The following CACNB4 variants were observed in gnomAD, a reference collection of about 807,000 sequenced individuals.
CACNB4 encodes the protein calcium voltage-gated channel auxiliary subunit beta 4.
Under a neutral mutation model 71.2 loss-of-function variants are expected in CACNB4, and 32 were observed. That is an observed-to-expected ratio of 0.45 (90% CI 0.34 to 0.60). The LOEUF is 0.60. Among genes scored for constraint, CACNB4 ranks in the 20% least tolerant of loss-of-function variants. The pLI is 0.01. For synonymous variants in CACNB4, 231 were observed against 236.9 expected, an observed-to-expected ratio of 0.97 and a Z score of 0.23; for missense variants, 464 against 647.9, an observed-to-expected ratio of 0.72 and a Z score of 3.08.
chr2:151,991,715 A>AT (rs1560114498), intron 2 of CACNB4, among the ~76,000 whole-genome samples: 2 of 152,132 alleles, frequency 1.3e-5, no homozygotes, highest in East Asian at 1.9e-4. Flanking sequence ...TCTGGCTTCC[A>AT]TTTTTTAAAA....
chr2:151,918,699 T>C (rs1372923590), intron 2 of CACNB4, among the ~76,000 whole-genome samples: 3 of 152,214 alleles, frequency 2.0e-5, no homozygotes, highest in South Asian at 4.1e-4. Flanking sequence ...CAAGGGATTG[T>C]GTGCGTACTG....
chr2:152,031,553 C>G (rs961265699), intron 2 of CACNB4, among the ~76,000 whole-genome samples: 1 of 152,174 alleles, frequency 6.6e-6, no homozygotes, highest in African/African-American at 2.4e-5. Context: ...GAAGGCAGGT[C>G]AGACACAGCC....
intron 2 of CACNB4, among the ~76,000 whole-genome samples, chr2:151,939,236 C>G (rs947020528): frequency 5.9e-5 from 9 of 152,064 alleles, no homozygotes; most frequent in Non-Finnish European, 1.2e-4. Flanking sequence ...TTTTATACAC[C>G]ATGTGTTTTT....
At chr2:152,012,572 G>A (rs1683119136) in intron 2 of CACNB4, among the ~76,000 whole-genome samples, 1 of 147,292 alleles carries the variant, frequency 6.8e-6, no homozygotes, top group African/African-American at 2.5e-5. Context: ...TCACTGTGCT[G>A]CAGCCTGGAA....
chr2:152,033,913 T>G (rs1243504437), intron 2 of CACNB4, among the ~76,000 whole-genome samples: 1 of 152,220 alleles, frequency 6.6e-6, no homozygotes, highest in East Asian at 1.9e-4. Flanking sequence ...CCCTTCCTTA[T>G]TAACAAGATG....
chr2:151,991,579 G>T lies in CACNB4; in HGVS notation c.147+106751C>A, dbSNP rs574154364. The stretch of plus-strand genomic sequence containing the variant: ...AATGACATGCCAAAAACTGAAAAAT[G>T]GGGTGTGAAGAATGTGCTTCTTGCT... On this transcript the variant is annotated intron_variant, in intron 2 of 13. Transcript: ENST00000539935. Among the ~76,000 whole-genome samples, 7 of 152,284 alleles carry T rather than the reference G, an allele frequency of 4.6e-5. No individual in the cohort carries two copies. In the South Asian group the frequency reaches 1.4e-3, roughly 32 times the overall value.
At chr2:151,941,786 G>A (rs949370336) in intron 2 of CACNB4, among the ~76,000 whole-genome samples, 1 of 152,142 alleles carries the variant, frequency 6.6e-6, no homozygotes, top group Non-Finnish European at 1.5e-5. Flanking sequence ...AAGGTTATGT[G>A]CTAAATTGTG....
intron 2 of CACNB4, among the ~76,000 whole-genome samples, chr2:152,067,904 T>C (rs1365288856): frequency 6.6e-6 from 1 of 152,230 alleles, no homozygotes; most frequent in East Asian, 1.9e-4. Context: ...ATGGCTTTTA[T>C]TAACTGCTTT....
Position 152,098,564 on chromosome 2 carries a change from G to GCCGGCCCCCCCCCCCCCCCC in CACNB4, c.64-152_64-151insGGGGGGGGGGGGGGGGCCGG. ...GTCTCCTCCGCGACTCCCAAATACA[G>GCCGGCCCCCCCCCCCCCCCC]CCCCCACCCCCACCCACCCACTGCA... On this transcript the variant is annotated intron_variant, in intron 1 of 13. Coordinates refer to ENST00000539935, the MANE Select transcript of CACNB4 (RefSeq NM_000726.5). This position sits in a 1 kb window ranked among gnomAD's most constrained non-coding sequence, Gnocchi z 5.3. 1.1e-6 allele frequency: 1 copy of GCCGGCCCCCCCCCCCCCCCC among 931,268 alleles called. No homozygotes were observed. The highest frequency in any genetic ancestry group is 1.7e-6 in the Non-Finnish European group (1 of 583,194). 57.7% of individuals were successfully genotyped at this position (931,268 alleles called of 1,614,324 possible).
chr2:152,010,808 T>C (rs1683013873), intron 2 of CACNB4, among the ~76,000 whole-genome samples: 1 of 152,176 alleles, frequency 6.6e-6, no homozygotes, highest in Admixed American at 6.5e-5. Flanking sequence ...CCTGCATCTG[T>C]TCCCAGCCCA....
In CACNB4 at chr2:151,883,540, G is replaced by A. The variant is rs189861247; in HGVS notation, c.148-170C>T. 117 of 659,866 alleles carry A rather than the reference G, an allele frequency of 1.8e-4. 1 individual carries two copies. In the East Asian group the frequency reaches 3.0e-3, roughly 17 times the overall value. 40.9% of individuals were successfully genotyped at this position (659,866 alleles called of 1,614,324 possible). A position where few individuals can be genotyped will look rare whatever the true frequency, so the allele number is the denominator to read the frequency against. ...TGGCAGAATATAGTTAAGCATCTGA[G>A]TTATTCGGAAAGTAGCAATGTTGTG... On this transcript the variant is annotated intron_variant, in intron 2 of 13. Coordinates refer to ENST00000539935, the MANE Select transcript of CACNB4 (RefSeq NM_000726.5).
At chr2:152,020,149 A>G (rs190923791) in intron 2 of CACNB4, among the ~76,000 whole-genome samples, 1 of 152,314 alleles carries the variant, frequency 6.6e-6, no homozygotes, top group Admixed American at 6.5e-5. Flanking sequence ...TCTACCCTTT[A>G]GGGAAAGGAG....
intron 2 of CACNB4, among the ~76,000 whole-genome samples, chr2:152,084,084 C>T (rs961911130): frequency 6.6e-6 from 1 of 152,234 alleles, no homozygotes; most frequent in Non-Finnish European, 1.5e-5. Flanking sequence ...TACATCAGTT[C>T]GTGTGGGTCG....
chr2:151,874,490 T>C (rs2099845449), intron 5 of CACNB4, among the ~76,000 whole-genome samples: 1 of 149,396 alleles, frequency 6.7e-6, no homozygotes, highest in Non-Finnish European at 1.5e-5. Flanking sequence ...AGAAGAAGTA[T>C]GAGAACAGAC....
intron 2 of CACNB4, among the ~76,000 whole-genome samples, chr2:152,086,900 G>A (rs1034754772): frequency 9.2e-5 from 14 of 152,152 alleles, no homozygotes; most frequent in African/African-American, 3.4e-4. Flanking sequence ...GGAGGCTGAG[G>A]TGGGCGGATC....
At chr2:151,981,173 T>C (rs2099874659) in intron 2 of CACNB4, among the ~76,000 whole-genome samples, 1 of 152,230 alleles carries the variant, frequency 6.6e-6, no homozygotes, top group Admixed American at 6.5e-5. Flanking sequence ...ATAGTGTAAT[T>C]CTTTCATTAC....
chr2:152,063,111 T>A (rs1214763884), intron 2 of CACNB4, among the ~76,000 whole-genome samples: 1 of 152,164 alleles, frequency 6.6e-6, no homozygotes, highest in African/African-American at 2.4e-5. Flanking sequence ...CATATCGCAA[T>A]GTCACTGGGA....
intron 2 of CACNB4, chr2:151,936,056 A>G (rs2099862839): frequency 6.6e-6 from 1 of 152,252 alleles, no homozygotes; most frequent in African/African-American, 2.4e-5. Flanking sequence ...ACAAAACTAT[A>G]TCAACTTTAA....
intron 2 of CACNB4, among the ~76,000 whole-genome samples, chr2:151,985,675 C>CTTTTT (rs11329675): frequency 4.2e-5 from 6 of 142,138 alleles, no homozygotes; most frequent in African/African-American, 1.5e-4. Flanking sequence ...CCTTAATTTT[C>CTTTTT]TTTTTTTTTT....
Sources: gnomAD v4.1 joint callset for allele counts (sites outside exome capture counted in the v4.1 genomes callset) on GRCh38, gnomAD v4.1.1 for gene constraint, Gnocchi (gnomAD v3.1) non-coding constraint, MANE v1.5 for transcripts, NCBI Gene and HGNC (gene_info 2026-07-23, HGNC 2026-07-21) for gene names.